IMMP2L: variants seen among roughly 807,000 people sequenced by gnomAD.
IMMP2L encodes the protein mitochondrial inner membrane protease subunit 2.
Under a neutral mutation model 19.3 loss-of-function variants are expected in IMMP2L, and 18 were observed. The ratio of observed to expected loss-of-function variants is 0.93; its 90% CI spans 0.64 to 1.38. The LOEUF (loss-of-function observed/expected upper bound fraction) is 1.38, where lower values mean the gene tolerates loss of function less well. Among genes scored for constraint, IMMP2L ranks in the 40% most tolerant of loss-of-function variants. IMMP2L has a pLI of 0.00. For synonymous variants in IMMP2L, 76 were observed against 73.0 expected, an observed-to-expected ratio of 1.04 and a Z score of -0.21; for missense variants, 233 against 218.2, an observed-to-expected ratio of 1.07 and a Z score of -0.43.
chr7:110,931,206 C>G (rs192649704), intron 4 of IMMP2L, among the ~76,000 whole-genome samples: 1 of 152,206 alleles, frequency 6.6e-6, no homozygotes, highest in East Asian at 1.9e-4. Flanking sequence ...CCAAATATTT[C>G]TATGAGAACA....
chr7:110,716,707 T>C (rs990886897), intron 5 of IMMP2L, among the ~76,000 whole-genome samples: 2 of 152,178 alleles, frequency 1.3e-5, no homozygotes, highest in African/African-American at 4.8e-5. Flanking sequence ...TGTGATCAGA[T>C]AGTCACTGCT....
intron 3 of IMMP2L, among the ~76,000 whole-genome samples, chr7:111,349,362 C>T (rs993080751): frequency 2.6e-5 from 4 of 151,910 alleles, no homozygotes; most frequent in African/African-American, 7.3e-5. Flanking sequence ...TCCACTCCCC[C>T]AAGAATTTTA....
intron 3 of IMMP2L, among the ~76,000 whole-genome samples, chr7:111,365,697 TTTTTATGAAACTTGG>T (rs1377983159): frequency 3.9e-5 from 6 of 152,092 alleles, no homozygotes; most frequent in South Asian, 4.1e-4. Flanking sequence ...TTGAAACCGA[TTTTTATGAAACTTGG>T]TTTTATGAAA....
chr7:110,904,454 A>C (rs969498610), intron 4 of IMMP2L, among the ~76,000 whole-genome samples: 1 of 152,096 alleles, frequency 6.6e-6, no homozygotes, highest in African/African-American at 2.4e-5. Flanking sequence ...GGGCCCATTC[A>C]TTATTTTGCA....
chr7:111,047,436 C>T (rs1440629701), intron 3 of IMMP2L, among the ~76,000 whole-genome samples: 1 of 152,144 alleles, frequency 6.6e-6, no homozygotes, highest in Non-Finnish European at 1.5e-5. Context: ...GATCCACCCA[C>T]CTTGGCCTCT....
At chr7:111,488,293 A>C (rs1258837504) in intron 2 of IMMP2L, among the ~76,000 whole-genome samples, 1 of 152,172 alleles carries the variant, frequency 6.6e-6, no homozygotes, top group Non-Finnish European at 1.5e-5. Context: ...TCACCCGAGC[A>C]ACGTACACTG....
At chr7:111,477,812 C>T (rs951001980) in intron 3 of IMMP2L, among the ~76,000 whole-genome samples, 2 of 151,960 alleles carry the variant, frequency 1.3e-5, no homozygotes, top group African/African-American at 4.8e-5. Context: ...GCAGGAGAAT[C>T]GCTTGAACAC....
At chr7:111,015,175 T>G (rs1456551534) in intron 3 of IMMP2L, among the ~76,000 whole-genome samples, 1 of 152,130 alleles carries the variant, frequency 6.6e-6, no homozygotes, top group East Asian at 1.9e-4. Flanking sequence ...ACCAGAAGAA[T>G]GGACAAACAA....
intron 5 of IMMP2L, among the ~76,000 whole-genome samples, chr7:110,685,156 G>A (rs920323865): frequency 6.6e-6 from 1 of 152,048 alleles, no homozygotes; most frequent in Non-Finnish European, 1.5e-5. Flanking sequence ...AGCATCAATA[G>A]TGCAGCATCC....
chr7:111,105,054 C>T (rs548375452), intron 3 of IMMP2L, among the ~76,000 whole-genome samples: 2 of 151,830 alleles, frequency 1.3e-5, no homozygotes, highest in African/African-American at 4.8e-5. Flanking sequence ...TCCAGAAGCT[C>T]CCAGTCCAGA....
intron 5 of IMMP2L, among the ~76,000 whole-genome samples, chr7:110,735,150 G>A (rs537099330): frequency 2.0e-5 from 3 of 152,110 alleles, no homozygotes; most frequent in African/African-American, 2.4e-5. Context: ...TGACACGTGC[G>A]CAGTAAGGGG....
chr7:110,690,048 A>C (rs1793384852), intron 5 of IMMP2L, among the ~76,000 whole-genome samples: 1 of 152,158 alleles, frequency 6.6e-6, no homozygotes, highest in East Asian at 1.9e-4. Flanking sequence ...TATCTTGGGG[A>C]AAGTTTGCTG....
chr7:110,834,895 C>A (rs1392746384), intron 5 of IMMP2L, among the ~76,000 whole-genome samples: 1 of 152,108 alleles, frequency 6.6e-6, no homozygotes, highest in East Asian at 1.9e-4. Context: ...GAAATAGGTG[C>A]TTTTTCCCAC....
At chr7:111,384,781 A>G (rs2131266926) in intron 3 of IMMP2L, among the ~76,000 whole-genome samples, 1 of 152,286 alleles carries the variant, frequency 6.6e-6, no homozygotes, top group East Asian at 1.9e-4. Flanking sequence ...TCATTTCAAA[A>G]AGAGCATTTT....
At chr7:111,148,586 A>G (rs1562855286) in intron 3 of IMMP2L, among the ~76,000 whole-genome samples, 1 of 152,064 alleles carries the variant, frequency 6.6e-6, no homozygotes, top group Non-Finnish European at 1.5e-5. Flanking sequence ...GGGCAAAAAT[A>G]CTATTTAAAA....
intron 3 of IMMP2L, among the ~76,000 whole-genome samples, chr7:111,163,737 T>C (rs978767443): frequency 6.6e-6 from 1 of 152,058 alleles, no homozygotes; most frequent in African/African-American, 2.4e-5. Flanking sequence ...CAGTGGATGA[T>C]GCCCCAACCC....
At chr7:111,172,682 T>TTC (rs1806582802) in intron 3 of IMMP2L, among the ~76,000 whole-genome samples, 1 of 151,592 alleles carries the variant, frequency 6.6e-6, no homozygotes, top group African/African-American at 2.4e-5. Context: ...GTAACCACTA[T>TTC]TCTACTCTCT....
chr7:111,135,424 A>G (rs1299107751), intron 3 of IMMP2L, among the ~76,000 whole-genome samples: 2 of 152,150 alleles, frequency 1.3e-5, no homozygotes, highest in Non-Finnish European at 2.9e-5. Context: ...GAGTCTTTCC[A>G]TTCCTCCAAA....
intron 5 of IMMP2L, among the ~76,000 whole-genome samples, chr7:110,818,347 A>T (rs1219111609): frequency 6.6e-6 from 1 of 152,228 alleles, no homozygotes; most frequent in Non-Finnish European, 1.5e-5. Context: ...TATGCAGCCA[A>T]CAGACACATG....
Sources: gnomAD v4.1 joint callset for allele counts (sites outside exome capture counted in the v4.1 genomes callset) on GRCh38, gnomAD v4.1.1 for gene constraint, MANE v1.5 for transcripts, NCBI Gene and HGNC (gene_info 2026-07-23, HGNC 2026-07-21) for gene names.